SORCS3: variants seen among roughly 807,000 people sequenced by gnomAD.
SORCS3 encodes the protein VPS10 domain-containing receptor SorCS3.
In SORCS3, 57 loss-of-function variants were observed where a neutral mutation model predicts 146.3. The ratio of observed to expected loss-of-function variants is 0.39; its 90% CI spans 0.31 to 0.49. The LOEUF (loss-of-function observed/expected upper bound fraction) is 0.49. SORCS3 is among the 20% of genes least tolerant of loss of function. The pLI is 0.92. For missense variants in SORCS3, 1,341 were observed against 1,575.5 expected (o/e 0.85, Z 2.52); for synonymous variants, 653 against 618.5 (o/e 1.06, Z -0.83).
chr10:104,721,651 A>C (rs1297556929), intron 1 of SORCS3, among the ~76,000 whole-genome samples: 2 of 152,032 alleles, frequency 1.3e-5, no homozygotes, highest in Non-Finnish European at 2.9e-5. Context: ...CTTTTATTTT[A>C]TTGAGCAGTG....
intron 1 of SORCS3, among the ~76,000 whole-genome samples, chr10:104,759,413 G>T (rs1347534965): frequency 6.6e-6 from 1 of 152,118 alleles, no homozygotes; most frequent in African/African-American, 2.4e-5. Flanking sequence ...GTGTTTTCTG[G>T]AATCTGCAGA....
chr10:104,696,142 T>TATATATAATATATATACACATATA (rs2016181341), intron 1 of SORCS3, among the ~76,000 whole-genome samples: 1 of 95,402 alleles, frequency 1.0e-5, no homozygotes, highest in African/African-American at 4.2e-5. Flanking sequence ...ATACACATAT[T>TATATATAATATATATACACATATA]ATATATAATA....
At chr10:104,746,378 C>T (rs780404520) in intron 1 of SORCS3, among the ~76,000 whole-genome samples, 3 of 152,142 alleles carry the variant, frequency 2.0e-5, no homozygotes, top group African/African-American at 4.8e-5. Context: ...CCTCGTGATC[C>T]GCCCGCCTTG....
intron 3 of SORCS3, among the ~76,000 whole-genome samples, chr10:104,962,133 C>G (rs1293426109): frequency 6.6e-6 from 1 of 151,974 alleles, no homozygotes; most frequent in African/African-American, 2.4e-5. Flanking sequence ...TCAGCTGGAG[C>G]ACTCAGGAGG....
chr10:104,835,540 TC>T (rs1401429535), intron 1 of SORCS3, among the ~76,000 whole-genome samples: 1 of 152,210 alleles, frequency 6.6e-6, no homozygotes, highest in African/African-American at 2.4e-5. Context: ...GGTCCTCACT[TC>T]ACTGAATGTG....
chr10:105,264,138 T>A lies in SORCS3; in HGVS notation c.*764T>A, dbSNP rs541935812. 1 of 92,462 alleles carries A rather than the reference T, an allele frequency of 1.1e-5. No homozygotes were observed. The highest frequency in any genetic ancestry group is 4.4e-5 in the African/African-American group (1 of 22,656). 5.7% of individuals were successfully genotyped at this position (92,462 alleles called of 1,614,324 possible). A position where few individuals can be genotyped will look rare whatever the true frequency, so the allele number is the denominator to read the frequency against. ...CATAGCTGGTTTCTACTTATGTATA[T>A]AAAGGGGGGTGGGGGGAGGGGCTTC... On this transcript the variant is annotated 3_prime_UTR_variant, in exon 27 of 27. Coordinates refer to ENST00000369701, the MANE Select transcript of SORCS3 (RefSeq NM_014978.3).
chr10:104,996,398 G>T (rs2055027523), intron 4 of SORCS3, among the ~76,000 whole-genome samples: 1 of 152,048 alleles, frequency 6.6e-6, no homozygotes, highest in Admixed American at 6.6e-5. Flanking sequence ...ATACTTTTTA[G>T]CTTATAGATC....
At chr10:105,240,193 A>G (rs1032769357) in intron 20 of SORCS3, among the ~76,000 whole-genome samples, 1 of 152,220 alleles carries the variant, frequency 6.6e-6, no homozygotes, top group Non-Finnish European at 1.5e-5. Flanking sequence ...CTAGGACAGG[A>G]AGAATTCCAT....
chr10:104,822,040 A>T, intron 1 of SORCS3: 1 of 514,192 alleles, frequency 1.9e-6, no homozygotes, highest in Non-Finnish European at 3.9e-6. Context: ...TGCAAGGTCC[A>T]CATTTGTTTC....
At chr10:105,225,644 G>A (rs2056729887) in intron 20 of SORCS3, among the ~76,000 whole-genome samples, 1 of 151,812 alleles carries the variant, frequency 6.6e-6, no homozygotes, top group Non-Finnish European at 1.5e-5. Flanking sequence ...GATGGGCATT[G>A]GATTGCATCT....
At chr10:105,253,020 C>A in intron 23 of SORCS3, 114 bp downstream of exon 23, 2 of 1,281,914 alleles carry the variant, frequency 1.6e-6, no homozygotes, top group Non-Finnish European at 2.1e-6. Context: ...CCCCAACAGC[C>A]AAGGTTTTGA....
At position 104,977,360 on chromosome 10, in the gene SORCS3, T is replaced by C. The variant is rs1453700079; in HGVS notation, c.821T>C (p.Met274Thr). 1.9e-6 allele frequency: 3 copies of C among 1,613,232 alleles called. No individual in the cohort carries two copies. The highest frequency in any genetic ancestry group is 1.7e-5 in the Admixed American group (1 of 59,926). Residue 274 changes from methionine to threonine, a missense_variant, in exon 4 of 27, where the codon ATG becomes ACG. By Grantham distance (81) the Met-to-Thr change is moderately conservative (BLOSUM62 -1). Transcript: ENST00000369701. Reference sequence around the variant, plus strand: ...ATTATGCTTCTCAGTGATCCTGAGATGGAGAGCAGCATATTGATCAGCTCA... The same window carrying C: ...ATTATGCTTCTCAGTGATCCTGAGACGGAGAGCAGCATATTGATCAGCTCA... Reference protein sequence around the residue: ...RKIMLLSDPEMESSILISSDE... With the variant: ...RKIMLLSDPETESSILISSDE...
chr10:104,727,191 G>A (rs1033241878), intron 1 of SORCS3, among the ~76,000 whole-genome samples: 1 of 152,202 alleles, frequency 6.6e-6, no homozygotes, highest in Non-Finnish European at 1.5e-5. Context: ...CTGCATGAAG[G>A]AATGGTGAAT....
At chr10:104,784,451 A>G (rs2017408894) in intron 1 of SORCS3, among the ~76,000 whole-genome samples, 1 of 152,254 alleles carries the variant, frequency 6.6e-6, no homozygotes, top group African/African-American at 2.4e-5. Flanking sequence ...GTTTTCAAAC[A>G]TCCCTTGAGC....
chr10:104,839,250 T>C (rs1284611494), intron 1 of SORCS3, among the ~76,000 whole-genome samples: 1 of 152,188 alleles, frequency 6.6e-6, no homozygotes, highest in Non-Finnish European at 1.5e-5. Flanking sequence ...AATATAGTGT[T>C]TGTGATAAAT....
At chr10:105,198,521 G>A (rs2056556614) in intron 14 of SORCS3, among the ~76,000 whole-genome samples, 1 of 152,202 alleles carries the variant, frequency 6.6e-6, no homozygotes, top group African/African-American at 2.4e-5. Context: ...TGACCGCTAT[G>A]TAAAATGAAT....
chr10:105,202,155 G>A (rs758737156), intron 16 of SORCS3, among the ~76,000 whole-genome samples: 58 of 152,194 alleles, frequency 3.8e-4, no homozygotes, highest in African/African-American at 8.0e-4. Context: ...CACAGCAACC[G>A]AGATGGTATT....
chr10:105,247,356 A>G (rs778422128), intron 22 of SORCS3, 25 bp downstream of exon 22: 1 of 1,357,136 alleles, frequency 7.4e-7, no homozygotes, highest in Admixed American at 1.7e-5. Flanking sequence ...TCTTTTTTTA[A>G]GTTCTTGTGA....
intron 1 of SORCS3, among the ~76,000 whole-genome samples, chr10:104,773,177 C>T (rs2017272034): frequency 6.6e-6 from 1 of 152,172 alleles, no homozygotes; most frequent in African/African-American, 2.4e-5. Context: ...GGAGAGGTGA[C>T]AGTCATGCAG....
Sources: gnomAD v4.1 joint callset for allele counts (sites outside exome capture counted in the v4.1 genomes callset) on GRCh38, gnomAD v4.1.1 for gene constraint, MANE v1.5 for transcripts, NCBI Gene and HGNC (gene_info 2026-07-23, HGNC 2026-07-21) for gene names.